IPCEF1: variants seen among roughly 807,000 people sequenced by gnomAD.
The protein encoded by IPCEF1 is interactor protein for cytohesin exchange factors 1.
IPCEF1 carries 31 observed loss-of-function variants against 50.9 expected under a neutral mutation model. The observed-to-expected ratio is 0.61, with a 90% confidence interval of 0.46 to 0.82. IPCEF1 has a LOEUF of 0.82. IPCEF1 is among the 40% of genes least tolerant of loss of function. IPCEF1 has a pLI of 0.00. For missense variants in IPCEF1, 458 were observed against 514.0 expected (o/e 0.89, Z 1.05); for synonymous variants, 181 against 192.0 (o/e 0.94, Z 0.47).
Position 154,296,387 on chromosome 6 carries a change from T to C in IPCEF1, c.-61-6631A>G, listed in dbSNP as rs1173738544. On this transcript the variant is annotated intron_variant, in intron 1 of 11. Coordinates refer to ENST00000367220, the MANE Select transcript of IPCEF1 (RefSeq NM_001130700.2). ...TTCTCCTAGAGGCCAGCGCCACATC[T>C]TTTCACCTGTTTAGCCCACCCTCAA... 1.3e-5 allele frequency among the ~76,000 whole-genome samples: 2 copies of C among 152,120 alleles called. 1 individual carries two copies. Among genetic ancestry groups the C allele is most frequent in the Non-Finnish European group, 2.9e-5 (2 of 68,024 alleles).
At chr6:154,209,386 T>G (rs769747148) in intron 9 of IPCEF1, among the ~76,000 whole-genome samples, 2 of 152,112 alleles carry the variant, frequency 1.3e-5, no homozygotes, top group African/African-American at 2.4e-5. Flanking sequence ...TGCAGTGGCT[T>G]ACGCTTGTAA....
chr6:154,212,103 TAAAACCAA>T (rs1778009176), intron 9 of IPCEF1, among the ~76,000 whole-genome samples: 1 of 152,204 alleles, frequency 6.6e-6, no homozygotes, highest in Non-Finnish European at 1.5e-5. Flanking sequence ...ATGGTAGGTA[TAAAACCAA>T]AAATCACCTT....
intron 1 of IPCEF1, among the ~76,000 whole-genome samples, chr6:154,349,657 C>A (rs1784090370): frequency 6.6e-6 from 1 of 152,052 alleles, no homozygotes; most frequent in South Asian, 2.1e-4. Flanking sequence ...ATGTTCTATT[C>A]CTCTCTGGCG....
intron 1 of IPCEF1, among the ~76,000 whole-genome samples, chr6:154,328,117 G>A (rs1453188056): frequency 6.6e-6 from 1 of 152,058 alleles, no homozygotes; most frequent in African/African-American, 2.4e-5. Flanking sequence ...ATGGATGCTG[G>A]GCTGAATACT....
intron 10 of IPCEF1, among the ~76,000 whole-genome samples, chr6:154,172,016 C>A (rs1232211008): frequency 6.6e-6 from 1 of 152,152 alleles, no homozygotes; most frequent in Admixed American, 6.5e-5. Context: ...AGAATGGTTT[C>A]TTTACATTTC....
rs192646738 is a variant in IPCEF1, at chr6:154,302,600, G to T, written c.-61-12844C>A. ...ACTGATCCTCTCACCTCAGCCCCCCGAGTAGCTGGGACTATAGACATGTGC... is the reference window on the plus strand; with the variant it reads ...ACTGATCCTCTCACCTCAGCCCCCCTAGTAGCTGGGACTATAGACATGTGC... On this transcript the variant is annotated intron_variant, in intron 1 of 11. Transcript: ENST00000367220. 4.6e-5 allele frequency among the ~76,000 whole-genome samples: 7 copies of T among 152,186 alleles called. No individual in the cohort carries two copies. The East Asian group carries it at 1.3e-3, about 29-fold the overall frequency.
chr6:154,312,919 T>G (rs898815856), intron 1 of IPCEF1, among the ~76,000 whole-genome samples: 6 of 151,866 alleles, frequency 4.0e-5, no homozygotes, highest in African/African-American at 1.5e-4. Flanking sequence ...AATAAAAAAT[T>G]TTTTAGAACT....
intron 2 of IPCEF1, among the ~76,000 whole-genome samples, chr6:154,273,450 A>G (rs948697701): frequency 6.6e-6 from 1 of 152,210 alleles, no homozygotes; most frequent in African/African-American, 2.4e-5. Flanking sequence ...TGCCATGGAA[A>G]ACAGAAGAGA....
chr6:154,214,765 A>C (rs887224858), intron 7 of IPCEF1, among the ~76,000 whole-genome samples: 3 of 152,242 alleles, frequency 2.0e-5, no homozygotes, highest in Non-Finnish European at 4.4e-5. Context: ...GCTAGAATTT[A>C]ACAGGTATTT....
Position 154,248,968 on chromosome 6 carries a change from G to A in IPCEF1, c.37-1480C>T, listed in dbSNP as rs528227941. The stretch of plus-strand genomic sequence containing the variant: ...TTATGTATCCTTCAGCAATTACAAC[G>A]AAGCTAAAGTGTTTAAATTATATTT... On this transcript the variant is annotated intron_variant, in intron 3 of 11. Coordinates refer to ENST00000367220, the MANE Select transcript of IPCEF1 (RefSeq NM_001130700.2). Among the ~76,000 whole-genome samples, 31 of 152,038 alleles carry A rather than the reference G, an allele frequency of 2.0e-4. 1 individual carries two copies. In the South Asian group the frequency reaches 3.3e-3, roughly 16 times the overall value.
intron 11 of IPCEF1, among the ~76,000 whole-genome samples, chr6:154,162,150 T>C (rs1194428117): frequency 6.6e-6 from 1 of 152,140 alleles, no homozygotes. Flanking sequence ...GGCCAATCCC[T>C]CCACTTGGGC....
chr6:154,345,621 T>G (rs1456547935), intron 1 of IPCEF1, among the ~76,000 whole-genome samples: 2 of 152,236 alleles, frequency 1.3e-5, no homozygotes, highest in Non-Finnish European at 2.9e-5. Context: ...TTGTTTTACG[T>G]GACTGCTCAT....
In IPCEF1 at chr6:154,330,511, AGATAAGG is replaced by A. The variant is rs1297501328; in HGVS notation, c.-62+26154_-62+26160del. Among the ~76,000 whole-genome samples, 30 of 151,776 alleles carry A rather than the reference AGATAAGG, an allele frequency of 2.0e-4. 1 individual carries two copies. The highest frequency in any genetic ancestry group is 2.0e-3 in the Admixed American group (30 of 15,224). Reference sequence around the variant, plus strand: ...AGCTAATTTTTTTTATGATCGGTAGAGATAAGGTCTTACTATGTTGCCCAGGCTGGTC... The same window carrying A: ...AGCTAATTTTTTTTATGATCGGTAGATCTTACTATGTTGCCCAGGCTGGTC... On this transcript the variant is annotated intron_variant, in intron 1 of 11. Coordinates refer to ENST00000367220, the MANE Select transcript of IPCEF1 (RefSeq NM_001130700.2).
chr6:154,348,818 T>C (rs554860832), intron 1 of IPCEF1, among the ~76,000 whole-genome samples: 8 of 152,196 alleles, frequency 5.3e-5, no homozygotes, highest in Non-Finnish European at 8.8e-5. Context: ...ATTAGAATAG[T>C]AGAATCTTCA....
chr6:154,181,972 A>C (rs1399331843), intron 10 of IPCEF1, among the ~76,000 whole-genome samples: 1 of 152,200 alleles, frequency 6.6e-6, no homozygotes, highest in Admixed American at 6.5e-5. Context: ...CTAGTTGGGA[A>C]AGGTGAGGCG....
intron 7 of IPCEF1, among the ~76,000 whole-genome samples, chr6:154,219,573 C>G (rs1778687916): frequency 6.6e-6 from 1 of 152,116 alleles, no homozygotes; most frequent in Non-Finnish European, 1.5e-5. Context: ...AGACCTTGTG[C>G]CTTCCACATC....
intron 7 of IPCEF1, among the ~76,000 whole-genome samples, chr6:154,220,802 C>T (rs779407776): frequency 5.9e-5 from 9 of 152,156 alleles, no homozygotes; most frequent in Non-Finnish European, 1.2e-4. Context: ...TGATGTACTC[C>T]GAGCAAAGGC....
rs1272004184 is a variant in IPCEF1, at chr6:154,247,435, A to G, written c.76+14T>C. 1.9e-6 allele frequency: 3 copies of G among 1,607,888 alleles called. No homozygotes were observed. The African/African-American group carries it at 4.0e-5, about 21-fold the overall frequency. ...CACAAAATGGAGATAAAGAAACAAA[A>G]GAGATCTAATTACCTTGAGTTTTCC... On this transcript the variant is annotated intron_variant, in intron 4 of 11. Transcript: ENST00000367220.
chr6:154,322,062 A>G (rs191493468), intron 1 of IPCEF1, among the ~76,000 whole-genome samples: 20 of 152,300 alleles, frequency 1.3e-4, no homozygotes, highest in Admixed American at 1.0e-3. Flanking sequence ...ATCAATATAT[A>G]TCATCATATT....
Sources: allele counts gnomAD v4.1 joint callset (sites outside exome capture counted in the v4.1 genomes callset), GRCh38; gene constraint gnomAD v4.1.1; transcripts MANE v1.5; gene names NCBI Gene and HGNC (gene_info 2026-07-23, HGNC 2026-07-21).